Variants in PTPRN2 observed in about 807,000 individuals in gnomAD.
The protein encoded by PTPRN2 is protein tyrosine phosphatase receptor type N2, also known as receptor-type tyrosine-protein phosphatase N2.
A neutral mutation model predicts 118.8 loss-of-function variants in PTPRN2; 74 were observed. The observed-to-expected ratio is 0.62, with a 90% confidence interval of 0.52 to 0.76. The LOEUF (loss-of-function observed/expected upper bound fraction) is 0.76, where lower values mean the gene tolerates loss of function less well. PTPRN2 is among the 30% of genes least tolerant of loss of function. The pLI is 0.00. For synonymous variants in PTPRN2, 641 were observed against 608.0 expected (o/e 1.05, Z -0.80); for missense variants, 1,481 against 1,394.4 (o/e 1.06, Z -0.99).
chr7:158,084,624 C>T (rs1003814710), intron 10 of PTPRN2, among the ~76,000 whole-genome samples: 7 of 151,754 alleles, frequency 4.6e-5, no homozygotes, highest in African/African-American at 7.3e-5. Flanking sequence ...ACACCCAGGA[C>T]GCCCATCCAC....
chr7:158,153,837 T>G (rs1585660038), intron 6 of PTPRN2, among the ~76,000 whole-genome samples: 2 of 134,686 alleles, frequency 1.5e-5, no homozygotes, highest in African/African-American at 5.9e-5. Flanking sequence ...TGGTTAGGGG[T>G]GGTGGTCGGG....
chr7:157,648,739 C>T (rs1298535803), intron 14 of PTPRN2, among the ~76,000 whole-genome samples: 2 of 145,196 alleles, frequency 1.4e-5, no homozygotes, highest in African/African-American at 2.5e-5. Context: ...GTGGGTCGGA[C>T]CCATCCAGTG....
chr7:158,333,097 C>T (rs1804826622), intron 2 of PTPRN2, among the ~76,000 whole-genome samples: 1 of 117,816 alleles, frequency 8.5e-6, no homozygotes, highest in Non-Finnish European at 1.7e-5. Context: ...CACACCCACG[C>T]TCTCACCATA....
In PTPRN2 at chr7:157,787,971, A is replaced by C. The variant is rs1003100356; in HGVS notation, c.1789-105034T>G. ...GGGAGCCAGCACCGGGTCCCCTGGGAACCACGCAGCCGGGGCCTGGAGGCC... is the reference window on the plus strand; with the variant it reads ...GGGAGCCAGCACCGGGTCCCCTGGGCACCACGCAGCCGGGGCCTGGAGGCC... On this transcript the variant is annotated intron_variant, in intron 12 of 22. Coordinates refer to ENST00000389418, the MANE Select transcript of PTPRN2 (RefSeq NM_002847.5). The surrounding 1 kb of genome is among the most constrained non-coding windows in gnomAD (Gnocchi z 5.3). Among the ~76,000 whole-genome samples, 4 of 152,170 alleles carry C rather than the reference A, an allele frequency of 2.6e-5. No individual in the cohort carries two copies. Among genetic ancestry groups the C allele is most frequent in the Non-Finnish European group, 5.9e-5 (4 of 68,020 alleles).
intron 1 of PTPRN2, among the ~76,000 whole-genome samples, chr7:158,562,567 T>C (rs548979325): frequency 7.9e-5 from 12 of 152,286 alleles, no homozygotes; most frequent in Admixed American, 7.2e-4. Context: ...CCTGTCAGCA[T>C]TAAGACACCC....
chr7:157,568,841 T>A, intron 21 of PTPRN2, 61 bp downstream of exon 21: 1 of 1,493,910 alleles, frequency 6.7e-7, no homozygotes, highest in Non-Finnish European at 9.3e-7. Context: ...GCACCCTACG[T>A]TGCCATAGCG....
At chr7:157,998,070 GGGGAGAGGAGTGCA>G (rs1804913410) in intron 11 of PTPRN2, among the ~76,000 whole-genome samples, 1 of 119,524 alleles carries the variant, frequency 8.4e-6, no homozygotes, top group African/African-American at 3.4e-5. Context: ...TGCAGGGTGG[GGGGAGAGGAGTGCA>G]GGGGAGAGGA....
At chr7:158,309,110 T>C (rs1304485156) in intron 3 of PTPRN2, among the ~76,000 whole-genome samples, 1 of 152,212 alleles carries the variant, frequency 6.6e-6, no homozygotes, top group East Asian at 1.9e-4. Context: ...GAAAGAATAC[T>C]CTTCAATTAA....
chr7:158,341,289 G>C (rs1321405118), intron 2 of PTPRN2, among the ~76,000 whole-genome samples: 1 of 150,444 alleles, frequency 6.6e-6, no homozygotes, highest in African/African-American at 2.5e-5. Context: ...CACCATAAGA[G>C]CCGACGCCCA....
intron 2 of PTPRN2, among the ~76,000 whole-genome samples, chr7:158,346,572 G>A (rs1258684756): frequency 6.6e-6 from 1 of 152,160 alleles, no homozygotes; most frequent in East Asian, 1.9e-4. Flanking sequence ...CAGTGCTGCA[G>A]TAAACATGAG....
At position 158,359,255 on chromosome 7, in the gene PTPRN2, C is replaced by T. The variant is rs189908696; in HGVS notation, c.164-42323G>A. Among the ~76,000 whole-genome samples, 508 of 152,342 alleles carry T rather than the reference C, an allele frequency of 3.3e-3. 5 individuals carry two copies. Among genetic ancestry groups the T allele is most frequent in the African/African-American group, 0.01 (429 of 41,588 alleles). On this transcript the variant is annotated intron_variant, in intron 2 of 22. Transcript: ENST00000389418. Reference sequence around the variant, plus strand: ...AGTCTACAGAGGCGACCATCACTAACGTTGAAAATGTCTTGGCTTCTGATT... The same window carrying T: ...AGTCTACAGAGGCGACCATCACTAATGTTGAAAATGTCTTGGCTTCTGATT...
intron 1 of PTPRN2, among the ~76,000 whole-genome samples, chr7:158,562,836 C>T (rs758449966): frequency 1.3e-5 from 2 of 152,220 alleles, no homozygotes; most frequent in African/African-American, 4.8e-5. Flanking sequence ...GAATGGGACA[C>T]AGCTCAACAA....
At chr7:158,061,382 A>G (rs1380114516) in intron 11 of PTPRN2, among the ~76,000 whole-genome samples, 2 of 152,252 alleles carry the variant, frequency 1.3e-5, no homozygotes, top group Non-Finnish European at 2.9e-5. Context: ...CACCTGCTCC[A>G]GACACCTGTT....
At chr7:158,540,552 G>A (rs576606102) in intron 1 of PTPRN2, among the ~76,000 whole-genome samples, 1 of 152,242 alleles carries the variant, frequency 6.6e-6, no homozygotes, top group African/African-American at 2.4e-5. Flanking sequence ...GGGTTTCTTT[G>A]GAGGTGGCTC....
chr7:158,203,596 AC>A (rs56277723), intron 4 of PTPRN2, among the ~76,000 whole-genome samples: 5 of 151,120 alleles, frequency 3.3e-5, no homozygotes, highest in South Asian at 2.1e-4. Flanking sequence ...CCTGTTCTGC[AC>A]CCCCCCAGAG....
chr7:158,322,979 A>T (rs1281574111), intron 2 of PTPRN2, among the ~76,000 whole-genome samples: 1 of 152,212 alleles, frequency 6.6e-6, no homozygotes, highest in African/African-American at 2.4e-5. Context: ...CTGCAAGGTG[A>T]ACCTTAGGAC....
chr7:157,803,306 T>C (rs1395600864), intron 12 of PTPRN2, among the ~76,000 whole-genome samples: 1 of 152,170 alleles, frequency 6.6e-6, no homozygotes, highest in African/African-American at 2.4e-5. Context: ...CGTTATGTGG[T>C]ATGCAAATAT....
chr7:157,573,547 ACCAAACC>A (rs923265977), intron 19 of PTPRN2, among the ~76,000 whole-genome samples: 8 of 152,228 alleles, frequency 5.3e-5, no homozygotes, highest in African/African-American at 1.9e-4. Flanking sequence ...AGTAAAACAA[ACCAAACC>A]CCAAACCCCA....
intron 11 of PTPRN2, among the ~76,000 whole-genome samples, chr7:157,996,208 A>AT (rs1335685871): frequency 6.6e-6 from 1 of 152,260 alleles, no homozygotes; most frequent in Non-Finnish European, 1.5e-5. Flanking sequence ...ACATTCACAC[A>AT]TTTAAGTGGG....
Sources: gnomAD v4.1 joint callset for allele counts (sites outside exome capture counted in the v4.1 genomes callset) on GRCh38, gnomAD v4.1.1 for gene constraint, Gnocchi (gnomAD v3.1) non-coding constraint, MANE v1.5 for transcripts, NCBI Gene and HGNC (gene_info 2026-07-23, HGNC 2026-07-21) for gene names.